CSMD2: variants seen among roughly 807,000 people sequenced by gnomAD.
The protein encoded by CSMD2 is CUB and sushi domain-containing protein 2.
Under a neutral mutation model 398.5 loss-of-function variants are expected in CSMD2, and 130 were observed. The ratio of observed to expected loss-of-function variants is 0.33; its 90% CI spans 0.28 to 0.38. CSMD2 has a LOEUF of 0.38. Among genes scored for constraint, CSMD2 ranks in the 10% least tolerant of loss-of-function variants. The probability of loss-of-function intolerance (pLI) is 1.00; values close to 1 mark genes in which losing one functional copy is unlikely to be tolerated. For synonymous variants in CSMD2, 1,828 were observed against 1,908.5 expected (o/e 0.96, Z 1.10); for missense variants, 3,829 against 4,764.9 (o/e 0.80, Z 5.78).
At chr1:33,654,945 T>C (rs1030433095) in intron 27 of CSMD2, among the ~76,000 whole-genome samples, 1 of 152,272 alleles carries the variant, frequency 6.6e-6, no homozygotes, top group African/African-American at 2.4e-5. Context: ...TCTAGGCTGC[T>C]GTCTGGGCAC....
chr1:33,640,193 A>G (rs1571046991), intron 29 of CSMD2, among the ~76,000 whole-genome samples: 1 of 152,224 alleles, frequency 6.6e-6, no homozygotes, highest in Non-Finnish European at 1.5e-5. Context: ...TCCAAACCTT[A>G]TAACTGCAAA....
chr1:34,071,928 G>C (rs763110545), intron 2 of CSMD2, among the ~76,000 whole-genome samples: 1 of 152,234 alleles, frequency 6.6e-6, no homozygotes, highest in Non-Finnish European at 1.5e-5. Flanking sequence ...GCTGGAAGAA[G>C]CTTTGGAGTT....
chr1:33,737,288 C>A (rs368675498), intron 15 of CSMD2, among the ~76,000 whole-genome samples: 13 of 152,054 alleles, frequency 8.5e-5, no homozygotes, highest in African/African-American at 2.9e-4. Context: ...GACCACACTG[C>A]GGGAAGTTTG....
At position 33,844,877 on chromosome 1, in the gene CSMD2, A is replaced by T. The variant is rs188262852; in HGVS notation, c.1033+2007T>A. ...CTAAGGATGATAGAGGGAACAGAGAACAGGGCCTGCTTTCAAGAAGTTTGC... is the reference window on the plus strand; with the variant it reads ...CTAAGGATGATAGAGGGAACAGAGATCAGGGCCTGCTTTCAAGAAGTTTGC... On this transcript the variant is annotated intron_variant, in intron 6 of 70. Coordinates refer to ENST00000373381, the MANE Select transcript of CSMD2 (RefSeq NM_001281956.2). Among the ~76,000 whole-genome samples the T allele has an allele frequency of 1.2e-4, 19 of 152,358 alleles. No individual in the cohort carries two copies. In the East Asian group the frequency reaches 3.7e-3, roughly 29 times the overall value.
At chr1:33,615,616 T>C (rs1416097525) in intron 39 of CSMD2, among the ~76,000 whole-genome samples, 1 of 152,210 alleles carries the variant, frequency 6.6e-6, no homozygotes. Flanking sequence ...GGGGTTGTTG[T>C]GAGGTCATAT....
chr1:34,004,822 A>G (rs766383468), intron 3 of CSMD2, among the ~76,000 whole-genome samples: 1 of 149,226 alleles, frequency 6.7e-6, no homozygotes, highest in Non-Finnish European at 1.5e-5. Context: ...ATTATTTCCA[A>G]CTCTCTCCTA....
intron 25 of CSMD2, among the ~76,000 whole-genome samples, chr1:33,681,403 A>G (rs1352083940): frequency 6.6e-6 from 1 of 152,198 alleles, no homozygotes; most frequent in Non-Finnish European, 1.5e-5. Context: ...CAAATTTAAG[A>G]AAAATAATAT....
chr1:33,864,895 ACGG>A (rs1639869547), intron 5 of CSMD2: 1 of 566,476 alleles, frequency 1.8e-6, no homozygotes, highest in Non-Finnish European at 2.9e-6. Flanking sequence ...GAGGAGGGGA[ACGG>A]AGAGGACGGG....
intron 26 of CSMD2, among the ~76,000 whole-genome samples, chr1:33,662,200 T>C (rs1434796924): frequency 1.3e-5 from 2 of 152,208 alleles, no homozygotes; most frequent in Non-Finnish European, 2.9e-5. Context: ...TTGCAGTGCC[T>C]AATTAATTAA....
intron 25 of CSMD2, among the ~76,000 whole-genome samples, chr1:33,679,592 A>C (rs964091374): frequency 3.3e-5 from 5 of 152,224 alleles, no homozygotes; most frequent in African/African-American, 9.6e-5. Flanking sequence ...TCTATCAAGC[A>C]GCGTTGCTAA....
At chr1:33,712,356 C>T (rs188763091) in intron 21 of CSMD2, among the ~76,000 whole-genome samples, 138 of 152,216 alleles carry the variant, frequency 9.1e-4, no homozygotes, top group Admixed American at 1.8e-3. Flanking sequence ...TGCATTAAAG[C>T]CCAGGGCTGT....
Position 33,739,313 on chromosome 1 carries a change from G to A in CSMD2, c.2195C>T (p.Pro732Leu). Residue 732 changes from proline to leucine, a missense_variant, in exon 15 of 71, where the codon CCG becomes CTG. Pro to Leu is a moderately conservative substitution (Grantham distance 98). Around this residue, in one of 5 missense-constraint regions of CSMD2, gnomAD observed 2,001 missense variants for 2,567.1 expected, o/e 0.78. Coordinates refer to ENST00000373381, the MANE Select transcript of CSMD2 (RefSeq NM_001281956.2). ...TFTTFRHNEC[P>L]DPGVPVNGKR... is the part of the protein sequence containing the mutation. The stretch of plus-strand genomic sequence containing the variant: ...GCCATTTACTGGAACGCCAGGATCC[G>A]GGCACTCGTTGTGTCGGAAGGCTGT... 1 of 1,613,504 alleles carries A rather than the reference G, an allele frequency of 6.2e-7. No individual in the cohort carries two copies. The highest frequency in any genetic ancestry group is 8.5e-7 in the Non-Finnish European group (1 of 1,179,654).
chr1:33,804,999 A>C, intron 10 of CSMD2: 1 of 665,906 alleles, frequency 1.5e-6, no homozygotes, highest in Admixed American at 2.3e-5. Context: ...TGCTCTGCAC[A>C]CTCTAAGCGG....
chr1:34,020,806 C>T (rs1438642500), intron 3 of CSMD2, among the ~76,000 whole-genome samples: 1 of 152,150 alleles, frequency 6.6e-6, no homozygotes, highest in Non-Finnish European at 1.5e-5. Context: ...ATAAAGCCCC[C>T]ACCCCTGCAT....
chr1:33,933,851 A>G (rs1644384868), intron 4 of CSMD2, among the ~76,000 whole-genome samples: 1 of 152,188 alleles, frequency 6.6e-6, no homozygotes, highest in South Asian at 2.1e-4. Flanking sequence ...AGAAGGCTCA[A>G]CATGGCCAAG....
intron 6 of CSMD2, among the ~76,000 whole-genome samples, chr1:33,830,471 T>A (rs1216476053): frequency 6.6e-6 from 1 of 152,122 alleles, no homozygotes; most frequent in Non-Finnish European, 1.5e-5. Context: ...GAAGGAAAAC[T>A]AACAAACAGA....
In CSMD2 at chr1:33,519,430, G is replaced by T; in HGVS notation, c.*53+35C>A. ...CACGCATAGGTCCCTGTCTGTGCTT[G>T]TCATGGCCTGTCTTCCTCCCACACC... On this transcript the variant is annotated intron_variant, in intron 70 of 70. Coordinates refer to ENST00000373381, the MANE Select transcript of CSMD2 (RefSeq NM_001281956.2). This position sits in a 1 kb window ranked among gnomAD's most constrained non-coding sequence, Gnocchi z 5.6. The T allele has an allele frequency of 7.3e-7, 1 of 1,377,188 alleles. No homozygotes were observed. Among genetic ancestry groups the T allele is most frequent in the Non-Finnish European group, 1.0e-6 (1 of 982,636 alleles). The allele number at this position is 1,377,188 out of a possible 1,614,324, so 85.3% of individuals were successfully genotyped here. A position where few individuals can be genotyped will look rare whatever the true frequency, so the allele number is the denominator to read the frequency against.
chr1:33,985,988 T>C (rs1264573276), intron 3 of CSMD2, among the ~76,000 whole-genome samples: 1 of 152,112 alleles, frequency 6.6e-6, no homozygotes, highest in African/African-American at 2.4e-5. Flanking sequence ...GTTAGCACCC[T>C]GGATGGAGAT....
chr1:33,864,758 C>A (rs745980468), intron 5 of CSMD2: 2 of 1,588,922 alleles, frequency 1.3e-6, no homozygotes, highest in South Asian at 1.2e-5. Flanking sequence ...GCTGATGGAT[C>A]CAGTTTGAAA....
Sources: allele counts gnomAD v4.1 joint callset (sites outside exome capture counted in the v4.1 genomes callset), GRCh38; gene constraint gnomAD v4.1.1; regional missense constraint gnomAD v4.1.1; non-coding constraint Gnocchi (gnomAD v3.1); transcripts MANE v1.5; gene names NCBI Gene and HGNC (gene_info 2026-07-23, HGNC 2026-07-21).